Variants in SPOCK3 observed in about 807,000 individuals in gnomAD.
SPOCK3 encodes the protein testican-3.
A neutral mutation model predicts 56.6 loss-of-function variants in SPOCK3; 30 were observed. The ratio of observed to expected loss-of-function variants is 0.53; its 90% CI spans 0.40 to 0.72. The LOEUF is 0.72. SPOCK3 is among the 30% of genes least tolerant of loss of function. The probability of loss-of-function intolerance (pLI) is 0.00; values close to 1 mark genes in which losing one functional copy is unlikely to be tolerated. For missense variants in SPOCK3, 527 were observed against 530.0 expected, an observed-to-expected ratio of 0.99 and a Z score of 0.06; for synonymous variants, 196 against 183.3, an observed-to-expected ratio of 1.07 and a Z score of -0.56.
At chr4:166,920,686 G>A (rs1417638684) in intron 4 of SPOCK3, among the ~76,000 whole-genome samples, 3 of 152,028 alleles carry the variant, frequency 2.0e-5, no homozygotes, top group East Asian at 1.9e-4. Flanking sequence ...AGCTTAAAGC[G>A]AGAAAAATAT....
intron 4 of SPOCK3, among the ~76,000 whole-genome samples, chr4:166,951,448 C>A (rs1465475688): frequency 7.0e-6 from 1 of 141,920 alleles, no homozygotes; most frequent in Non-Finnish European, 1.5e-5. Context: ...CAATAGCTTA[C>A]CAACAAAAAA....
intron 2 of SPOCK3, among the ~76,000 whole-genome samples, chr4:167,097,032 T>A (rs936133495): frequency 1.3e-5 from 2 of 152,018 alleles, no homozygotes; most frequent in Non-Finnish European, 2.9e-5. Context: ...CTAATAATTT[T>A]ATTTATTCTG....
intron 2 of SPOCK3, among the ~76,000 whole-genome samples, chr4:167,156,933 T>A (rs1764866322): frequency 6.6e-6 from 1 of 152,124 alleles, no homozygotes; most frequent in Admixed American, 6.6e-5. Context: ...TTGAAAATAT[T>A]CTGTAATTTT....
At chr4:167,033,572 T>C (rs1162311275) in intron 3 of SPOCK3, among the ~76,000 whole-genome samples, 1 of 151,874 alleles carries the variant, frequency 6.6e-6, no homozygotes, top group African/African-American at 2.4e-5. Flanking sequence ...TTGAAATCAC[T>C]CTAGCAAATC....
chr4:167,013,536 T>C (rs1279557062), intron 3 of SPOCK3, among the ~76,000 whole-genome samples: 1 of 151,112 alleles, frequency 6.6e-6, no homozygotes, highest in African/African-American at 2.4e-5. Context: ...AAAACTATTG[T>C]ATTATAAAAT....
intron 2 of SPOCK3, among the ~76,000 whole-genome samples, chr4:167,071,756 T>G (rs1756708675): frequency 6.6e-6 from 1 of 152,062 alleles, no homozygotes. Flanking sequence ...GATCGCTGGG[T>G]CAAATGGTAT....
chr4:167,145,515 C>CA (rs1763872169), intron 2 of SPOCK3, among the ~76,000 whole-genome samples: 1 of 151,676 alleles, frequency 6.6e-6, no homozygotes, highest in Non-Finnish European at 1.5e-5. Flanking sequence ...ATTTAAAGGC[C>CA]AAGGAAATGA....
chr4:167,019,998 C>T (rs190993743), intron 3 of SPOCK3, among the ~76,000 whole-genome samples: 74 of 152,180 alleles, frequency 4.9e-4, no homozygotes, highest in Non-Finnish European at 1.3e-4. Context: ...GACTGGAGCA[C>T]AAGCCCCCCT....
intron 2 of SPOCK3, among the ~76,000 whole-genome samples, chr4:167,071,372 T>C (rs924011082): frequency 2.0e-5 from 3 of 152,064 alleles, no homozygotes; most frequent in African/African-American, 4.8e-5. Flanking sequence ...GTGTTTCTCC[T>C]AATGCTATCC....
chr4:166,852,958 T>G (rs74287164), intron 6 of SPOCK3, among the ~76,000 whole-genome samples: 1 of 152,198 alleles, frequency 6.6e-6, no homozygotes, highest in Non-Finnish European at 1.5e-5. Context: ...AAAGTCTGAA[T>G]TAGTGAGACC....
intron 7 of SPOCK3, among the ~76,000 whole-genome samples, chr4:166,763,404 T>C (rs1737516967): frequency 6.6e-6 from 1 of 152,042 alleles, no homozygotes; most frequent in African/African-American, 2.4e-5. Context: ...AATGTAATAA[T>C]GACAGAGAAT....
chr4:167,181,966 C>T (rs181856395), intron 2 of SPOCK3, among the ~76,000 whole-genome samples: 2 of 152,148 alleles, frequency 1.3e-5, no homozygotes, highest in African/African-American at 2.4e-5. Context: ...ATAAGATGCT[C>T]AATAAGGTGT....
intron 3 of SPOCK3, among the ~76,000 whole-genome samples, chr4:167,024,599 G>T (rs912846142): frequency 2.0e-4 from 31 of 151,946 alleles, no homozygotes; most frequent in Non-Finnish European, 1.2e-4. Flanking sequence ...ATTTCAATTT[G>T]AACAAATACA....
At chr4:166,948,321 G>T (rs950558612) in intron 4 of SPOCK3, among the ~76,000 whole-genome samples, 20 of 152,106 alleles carry the variant, frequency 1.3e-4, no homozygotes, top group African/African-American at 4.3e-4. Context: ...AATAAACATG[G>T]GAGTGCAGAC....
chr4:166,770,909 T>C (rs1412083586), intron 7 of SPOCK3, among the ~76,000 whole-genome samples: 1 of 151,836 alleles, frequency 6.6e-6, no homozygotes, highest in Non-Finnish European at 1.5e-5. Flanking sequence ...CTAATTTTCA[T>C]TGTGGTGACA....
At chr4:166,742,208 A>G in intron 8 of SPOCK3, 149 bp from the exon 9 acceptor site, 1 of 593,172 alleles carries the variant, frequency 1.7e-6, no homozygotes, top group Non-Finnish European at 3.0e-6. Flanking sequence ...ATACATTCAT[A>G]TAGGTACATA....
intron 6 of SPOCK3, among the ~76,000 whole-genome samples, chr4:166,822,220 T>C (rs1226620715): frequency 6.6e-6 from 1 of 152,058 alleles, no homozygotes; most frequent in Non-Finnish European, 1.5e-5. Flanking sequence ...GTATTTGCTC[T>C]GAAGCTTAAT....
rs149075525 is a variant in SPOCK3 at position 166,861,269 on chromosome 4, A to G, written c.589+27861T>C. Among the ~76,000 whole-genome samples the G allele has an allele frequency of 2.0e-4, 31 of 152,222 alleles. No homozygotes were observed. The East Asian group carries it at 5.4e-3, about 27-fold the overall frequency. On this transcript the variant is annotated intron_variant, in intron 6 of 10. Coordinates refer to ENST00000357545, the MANE Select transcript of SPOCK3 (RefSeq NM_001040159.2). The stretch of plus-strand genomic sequence containing the variant: ...GCCTGTCCTGAAGGCAACTGTGCAA[A>G]AGAATAAGAGTCTTTCTCTCACGTA...
At chr4:167,153,908 A>G (rs1477680834) in intron 2 of SPOCK3, among the ~76,000 whole-genome samples, 1 of 1,264 alleles carries the variant, frequency 7.9e-4, no homozygotes, top group African/African-American at 2.3e-3. Flanking sequence ...ATTTCAGGGA[A>G]AAACTAGGCT....
Sources: allele counts gnomAD v4.1 joint callset (sites outside exome capture counted in the v4.1 genomes callset), GRCh38; gene constraint gnomAD v4.1.1; transcripts MANE v1.5; gene names NCBI Gene and HGNC (gene_info 2026-07-23, HGNC 2026-07-21).